DTD1: variants seen among roughly 807,000 people sequenced by gnomAD.
DTD1 encodes D-tyrosyl-tRNA deacylase 1 homolog.
A neutral mutation model predicts 25.6 loss-of-function variants in DTD1; 13 were observed. The ratio of observed to expected loss-of-function variants is 0.51; its 90% CI spans 0.33 to 0.81. The LOEUF (loss-of-function observed/expected upper bound fraction) is 0.81. DTD1 is among the 30% of genes least tolerant of loss of function. The pLI is 0.02. For missense variants in DTD1, 193 were observed against 266.4 expected (o/e 0.72, Z 1.92); for synonymous variants, 110 against 103.6 (o/e 1.06, Z -0.37).
chr20:18,610,694 G>A (rs903270928), intron 3 of DTD1, among the ~76,000 whole-genome samples: 30 of 152,304 alleles, frequency 2.0e-4, no homozygotes, highest in Middle Eastern at 3.4e-3. Flanking sequence ...TGGATTGCTT[G>A]AGCCCAGGAG....
At chr20:18,687,350 C>A (rs1196324962) in intron 4 of DTD1, among the ~76,000 whole-genome samples, 1 of 152,004 alleles carries the variant, frequency 6.6e-6, no homozygotes, top group Admixed American at 6.6e-5. Context: ...GGACACAGGG[C>A]CTCAAATCTG....
intron 5 of DTD1, among the ~76,000 whole-genome samples, chr20:18,745,521 G>A (rs1289906865): frequency 6.6e-6 from 1 of 152,214 alleles, no homozygotes; most frequent in East Asian, 1.9e-4. Flanking sequence ...GGGAGGTCAG[G>A]AGAGGCCCCT....
At chr20:18,727,128 G>A (rs1433752925) in intron 4 of DTD1, among the ~76,000 whole-genome samples, 3 of 152,230 alleles carry the variant, frequency 2.0e-5, no homozygotes, top group Non-Finnish European at 2.9e-5. Flanking sequence ...ACTTGGCCGC[G>A]TGCCTGGAGG....
intron 3 of DTD1, among the ~76,000 whole-genome samples, chr20:18,624,989 C>A (rs1005921841): frequency 3.3e-5 from 5 of 152,172 alleles, no homozygotes; most frequent in Admixed American, 6.5e-5. Context: ...CCTCACTTTT[C>A]CATAGTTAGG....
At chr20:18,742,744 C>A (rs2061283450) in intron 4 of DTD1, among the ~76,000 whole-genome samples, 1 of 152,154 alleles carries the variant, frequency 6.6e-6, no homozygotes, top group Admixed American at 6.5e-5. Context: ...AATTTGATTT[C>A]CTGGACCCAA....
At chr20:18,719,378 C>A (rs2061194123) in intron 4 of DTD1, among the ~76,000 whole-genome samples, 2 of 152,152 alleles carry the variant, frequency 1.3e-5, no homozygotes, top group African/African-American at 2.4e-5. Context: ...ATCTAAAGGC[C>A]TGGCCTAGGC....
chr20:18,710,063 T>C (rs946592761), intron 4 of DTD1, among the ~76,000 whole-genome samples: 1 of 152,180 alleles, frequency 6.6e-6, no homozygotes, highest in African/African-American at 2.4e-5. Flanking sequence ...AGCTTTATGA[T>C]ATATTGTCTA....
chr20:18,676,706 C>A (rs1350662262), intron 4 of DTD1, among the ~76,000 whole-genome samples: 2 of 152,174 alleles, frequency 1.3e-5, no homozygotes, highest in Non-Finnish European at 2.9e-5. Flanking sequence ...CAGAGATGTC[C>A]TGACTGTCTT....
intron 4 of DTD1, among the ~76,000 whole-genome samples, chr20:18,699,273 G>A (rs535736278): frequency 6.6e-6 from 1 of 152,150 alleles, no homozygotes; most frequent in Non-Finnish European, 1.5e-5. Context: ...CTGAGGCAGC[G>A]GTGTTCTTTT....
intron 4 of DTD1, among the ~76,000 whole-genome samples, chr20:18,740,650 A>C (rs547183058): frequency 1.3e-5 from 2 of 152,356 alleles, no homozygotes; most frequent in African/African-American, 4.8e-5. Flanking sequence ...CTAACTTATG[A>C]TTTCCAAAAT....
intron 5 of DTD1, among the ~76,000 whole-genome samples, chr20:18,760,251 T>C (rs1600227576): frequency 1.3e-5 from 2 of 152,242 alleles, no homozygotes; most frequent in East Asian, 1.9e-4. Context: ...AGTCATTCTC[T>C]GTCCAGCTTT....
intron 4 of DTD1, among the ~76,000 whole-genome samples, chr20:18,691,543 A>C (rs1260048351): frequency 6.6e-6 from 1 of 152,200 alleles, no homozygotes; most frequent in Non-Finnish European, 1.5e-5. Context: ...TCTCACTAAG[A>C]AGTGGGAGCT....
chr20:18,732,769 A>G (rs961311294), intron 4 of DTD1, among the ~76,000 whole-genome samples: 1 of 152,224 alleles, frequency 6.6e-6, no homozygotes, highest in Non-Finnish European at 1.5e-5. Context: ...GAATTAGCAT[A>G]TATAATAAAA....
At chr20:18,721,366 A>C (rs1171233807) in intron 4 of DTD1, among the ~76,000 whole-genome samples, 2 of 152,116 alleles carry the variant, frequency 1.3e-5, no homozygotes, top group Non-Finnish European at 2.9e-5. Flanking sequence ...GTAGTGATTA[A>C]TTTTCCAATG....
intron 4 of DTD1, among the ~76,000 whole-genome samples, chr20:18,734,906 G>T (rs532562430): frequency 6.6e-6 from 1 of 152,324 alleles, no homozygotes; most frequent in African/African-American, 2.4e-5. Flanking sequence ...TTTAATTCAT[G>T]TCTTGACTTC....
At chr20:18,707,927 G>A (rs2061132913) in intron 4 of DTD1, among the ~76,000 whole-genome samples, 2 of 151,332 alleles carry the variant, frequency 1.3e-5, no homozygotes, top group South Asian at 4.2e-4. Flanking sequence ...GTCTGGTGAG[G>A]GTGTGGCGTG....
intron 4 of DTD1, among the ~76,000 whole-genome samples, chr20:18,673,452 G>T (rs2122393535): frequency 6.6e-6 from 1 of 152,290 alleles, no homozygotes; most frequent in South Asian, 2.1e-4. Flanking sequence ...ATAATGTAAA[G>T]GGAAAGGCCT....
At chr20:18,659,454 T>A (rs956094835) in intron 4 of DTD1, among the ~76,000 whole-genome samples, 7 of 152,260 alleles carry the variant, frequency 4.6e-5, no homozygotes, top group African/African-American at 1.7e-4. Context: ...TTTTGTCATA[T>A]CAACTTAAGC....
At chr20:18,632,661 A>T (rs2122322021) in intron 4 of DTD1, 2 of 983,394 alleles carry the variant, frequency 2.0e-6, no homozygotes, top group Non-Finnish European at 2.4e-6. Flanking sequence ...AATTACATTA[A>T]AGAAAAATGG....
Sources: allele counts gnomAD v4.1 joint callset (sites outside exome capture counted in the v4.1 genomes callset), GRCh38; gene constraint gnomAD v4.1.1; transcripts MANE v1.5; gene names NCBI Gene and HGNC (gene_info 2026-07-23, HGNC 2026-07-21).